The following FHIT variants were observed in gnomAD, a reference collection of about 807,000 sequenced individuals.
The protein encoded by FHIT is fragile histidine triad diadenosine triphosphatase, also known as bis(5'-adenosyl)-triphosphatase.
A neutral mutation model predicts 17.9 loss-of-function variants in FHIT; 19 were observed. That is an observed-to-expected ratio of 1.06 (90% CI 0.74 to 1.56). The LOEUF (loss-of-function observed/expected upper bound fraction) is 1.56. FHIT is among the 40% of genes most tolerant of loss of function. The pLI is 0.00. For missense variants in FHIT, 248 were observed against 189.2 expected (o/e 1.31, Z -1.82); for synonymous variants, 81 against 69.7 (o/e 1.16, Z -0.81).
At chr3:60,688,488 A>G (rs1011967767) in intron 4 of FHIT, among the ~76,000 whole-genome samples, 9 of 151,620 alleles carry the variant, frequency 5.9e-5, no homozygotes, top group South Asian at 2.1e-4. Context: ...CTGGAATGCA[A>G]TGGTGCAATC....
intron 4 of FHIT, among the ~76,000 whole-genome samples, chr3:60,710,497 T>C (rs904812857): frequency 6.6e-6 from 1 of 152,084 alleles, no homozygotes; most frequent in Non-Finnish European, 1.5e-5. Context: ...GCGCAAGGGA[T>C]CAGGGAGTTC....
intron 7 of FHIT, among the ~76,000 whole-genome samples, chr3:60,006,925 T>C (rs1382822492): frequency 1.3e-5 from 2 of 152,202 alleles, no homozygotes; most frequent in Non-Finnish European, 2.9e-5. Context: ...TTTTGAATTA[T>C]ACTTCTACAA....
intron 5 of FHIT, among the ~76,000 whole-genome samples, chr3:60,261,429 T>C (rs1323012963): frequency 6.6e-6 from 1 of 152,050 alleles, no homozygotes; most frequent in Admixed American, 6.6e-5. Flanking sequence ...ACTATAATTA[T>C]CACATTCATG....
intron 4 of FHIT, among the ~76,000 whole-genome samples, chr3:60,796,180 G>A (rs146067056): frequency 0.016 from 2,424 of 152,252 alleles, 61 homozygotes; most frequent in African/African-American, 0.055. Flanking sequence ...CCCACAACAC[G>A]TGGGAATTCG....
In FHIT at chr3:59,788,355, G is replaced by A. The variant is rs1699401371; in HGVS notation, c.349-36034C>T. 2.6e-5 allele frequency among the ~76,000 whole-genome samples: 4 copies of A among 152,248 alleles called. 1 individual carries two copies. In the South Asian group the frequency reaches 8.3e-4, roughly 32 times the overall value. ...CCAAGCACTTCCTGGAAATGCAGAT[G>A]CTGTATCCAGGGCAGAAAGTACTTC... On this transcript the variant is annotated intron_variant, in intron 8 of 9. Transcript: ENST00000492590.
chr3:60,671,823 A>C (rs2040513138), intron 4 of FHIT, among the ~76,000 whole-genome samples: 1 of 150,928 alleles, frequency 6.6e-6, no homozygotes, highest in Non-Finnish European at 1.5e-5. Flanking sequence ...AGTGGCAGGC[A>C]CCTGTAATCC....
intron 2 of FHIT, among the ~76,000 whole-genome samples, chr3:61,135,139 G>A (rs905281085): frequency 6.6e-6 from 1 of 152,172 alleles, no homozygotes; most frequent in Admixed American, 6.5e-5. Context: ...GGTAGTGTTG[G>A]TGAGAACTAG....
chr3:61,187,228 C>T (rs571659311), intron 2 of FHIT, among the ~76,000 whole-genome samples: 2 of 152,088 alleles, frequency 1.3e-5, no homozygotes, highest in Non-Finnish European at 2.9e-5. Context: ...AACTAAGGAA[C>T]TAATGATTCA....
chr3:61,124,690 T>A (rs950189669), intron 2 of FHIT, among the ~76,000 whole-genome samples: 1 of 152,202 alleles, frequency 6.6e-6, no homozygotes, highest in Non-Finnish European at 1.5e-5. Flanking sequence ...GTAATTTTTA[T>A]ATGGTTCATT....
intron 4 of FHIT, among the ~76,000 whole-genome samples, chr3:60,638,860 C>A (rs2039655504): frequency 6.6e-6 from 1 of 151,416 alleles, no homozygotes; most frequent in Non-Finnish European, 1.5e-5. Flanking sequence ...AAACAAATGT[C>A]ATTTTAAAAA....
chr3:60,064,544 C>T (rs1702421447), intron 5 of FHIT, among the ~76,000 whole-genome samples: 1 of 152,160 alleles, frequency 6.6e-6, no homozygotes. Flanking sequence ...TGATGAGGGA[C>T]AGGGACAGAC....
intron 4 of FHIT, among the ~76,000 whole-genome samples, chr3:60,790,824 C>A (rs1254863647): frequency 6.6e-6 from 1 of 152,106 alleles, no homozygotes; most frequent in Non-Finnish European, 1.5e-5. Flanking sequence ...AATAGTGTAG[C>A]AATATTGGTT....
intron 2 of FHIT, among the ~76,000 whole-genome samples, chr3:61,192,099 A>G (rs978594766): frequency 2.6e-5 from 4 of 152,174 alleles, no homozygotes; most frequent in African/African-American, 4.8e-5. Context: ...GGAACCAGCC[A>G]TCTTAGAACT....
At chr3:60,207,713 A>C (rs1703266090) in intron 5 of FHIT, among the ~76,000 whole-genome samples, 1 of 152,060 alleles carries the variant, frequency 6.6e-6, no homozygotes, top group Non-Finnish European at 1.5e-5. Context: ...TGTGAGTTCC[A>C]CTCATTGTTT....
intron 5 of FHIT, among the ~76,000 whole-genome samples, chr3:60,129,273 T>C (rs1699418714): frequency 6.6e-6 from 1 of 151,954 alleles, no homozygotes. Flanking sequence ...GGATGGTCTT[T>C]ATCTCCTGAA....
At chr3:60,246,227 GT>G (rs1250957060) in intron 5 of FHIT, among the ~76,000 whole-genome samples, 1 of 151,938 alleles carries the variant, frequency 6.6e-6, no homozygotes, top group African/African-American at 2.4e-5. Flanking sequence ...TTTTAGAACA[GT>G]TATACTAAAA....
intron 5 of FHIT, among the ~76,000 whole-genome samples, chr3:60,456,971 G>C (rs976919312): frequency 2.0e-5 from 3 of 152,054 alleles, no homozygotes; most frequent in Admixed American, 6.5e-5. Context: ...CTCATGGGTA[G>C]GAAGAATCAA....
chr3:60,107,251 A>C (rs897988499), intron 5 of FHIT, among the ~76,000 whole-genome samples: 6 of 149,532 alleles, frequency 4.0e-5, no homozygotes, highest in African/African-American at 1.5e-4. Flanking sequence ...ACTTTGCAGT[A>C]AACTATCCTG....
At chr3:61,207,537 T>G (rs575201245) in intron 1 of FHIT, among the ~76,000 whole-genome samples, 9 of 152,288 alleles carry the variant, frequency 5.9e-5, no homozygotes, top group Admixed American at 5.2e-4. Context: ...TTCTTTCTGG[T>G]TTAGTCTTGG....
Sources: gnomAD v4.1 joint callset for allele counts (sites outside exome capture counted in the v4.1 genomes callset) on GRCh38, gnomAD v4.1.1 for gene constraint, MANE v1.5 for transcripts, NCBI Gene and HGNC (gene_info 2026-07-23, HGNC 2026-07-21) for gene names.